WNT7B: variants seen among roughly 807,000 people sequenced by gnomAD.
WNT7B encodes protein Wnt-7b.
Under a neutral mutation model 38.2 loss-of-function variants are expected in WNT7B, and 19 were observed. The observed-to-expected ratio is 0.50, with a 90% CI of 0.35 to 0.73. The LOEUF (loss-of-function observed/expected upper bound fraction) is 0.73. WNT7B is among the 30% of genes least tolerant of loss of function. The pLI is 0.01. For missense variants in WNT7B, 423 were observed against 507.9 expected, an observed-to-expected ratio of 0.83 and a Z score of 1.61; for synonymous variants, 243 against 209.3, an observed-to-expected ratio of 1.16 and a Z score of -1.39.
At position 45,931,098 on chromosome 22, in the gene WNT7B, C is replaced by T; in HGVS notation, c.570G>A (p.Lys190=). Residue 190 remains lysine, a splice_region_variant and synonymous_variant, in exon 3 of 4, where the codon AAG becomes AAA. Coordinates refer to ENST00000339464, the MANE Select transcript of WNT7B (RefSeq NM_058238.3). The stretch of plus-strand genomic sequence containing the variant: ...CCCACCAGCCGCACCCGCACCCTAC[C>T]TTCCTGCCGGCCTCATTGTTATGCA... ...MNLHNNEAGR[K]VLEDRMQLEC... 6.4e-7 allele frequency: 1 copy of T among 1,572,588 alleles called. No individual in the cohort carries two copies. The highest frequency in any genetic ancestry group is 8.6e-7 in the Non-Finnish European group (1 of 1,159,398).
chr22:45,943,339 G>A (rs558885513), intron 2 of WNT7B, among the ~76,000 whole-genome samples: 7 of 152,360 alleles, frequency 4.6e-5, no homozygotes, highest in East Asian at 1.9e-4. Context: ...GTCCAAACAC[G>A]CCGGCGCCCG....
chr22:45,934,436 T>C (rs1418194276), intron 2 of WNT7B, among the ~76,000 whole-genome samples: 1 of 152,078 alleles, frequency 6.6e-6, no homozygotes, highest in Non-Finnish European at 1.5e-5. Flanking sequence ...GGAGTGGGCA[T>C]GTGTCACCCG....
intron 3 of WNT7B, 103 bp from the exon 4 acceptor site, chr22:45,923,438 C>A: frequency 6.8e-7 from 1 of 1,461,944 alleles, no homozygotes; most frequent in East Asian, 2.4e-5. Context: ...CCGCTCCTCC[C>A]CTTGGGCTGT....
intron 1 of WNT7B, among the ~76,000 whole-genome samples, chr22:45,970,923 C>T (rs1250086432): frequency 1.3e-5 from 2 of 152,260 alleles, no homozygotes; most frequent in African/African-American, 4.8e-5. Context: ...CCCGCCGGGC[C>T]TGGAGCGCTC....
chr22:45,958,723 A>T (rs1474818445), intron 1 of WNT7B, among the ~76,000 whole-genome samples: 1 of 152,174 alleles, frequency 6.6e-6, no homozygotes, highest in African/African-American at 2.4e-5. Flanking sequence ...GGGGCTGGCC[A>T]GTGCCCTGTC....
chr22:45,932,493 C>G (rs1931397332), intron 2 of WNT7B, among the ~76,000 whole-genome samples: 1 of 152,156 alleles, frequency 6.6e-6, no homozygotes, highest in Admixed American at 6.5e-5. Context: ...CACCCTCTCC[C>G]TGGTGAGCCC....
chr22:45,937,855 CA>C (rs1931550172), intron 2 of WNT7B, among the ~76,000 whole-genome samples: 1 of 152,058 alleles, frequency 6.6e-6, no homozygotes, highest in Non-Finnish European at 1.5e-5. Context: ...ACTAAAAATA[CA>C]AAATTAGCCA....
chr22:45,958,885 TG>T (rs1932131734), intron 1 of WNT7B, among the ~76,000 whole-genome samples: 1 of 152,050 alleles, frequency 6.6e-6, no homozygotes, highest in Admixed American at 6.5e-5. Context: ...CTGTGTGGGG[TG>T]GGCCTTCCCT....
At chr22:45,955,452 C>T (rs1420871898) in intron 1 of WNT7B, among the ~76,000 whole-genome samples, 1 of 152,224 alleles carries the variant, frequency 6.6e-6, no homozygotes, top group African/African-American at 2.4e-5. Flanking sequence ...TGGGCACCCT[C>T]AGCAAACCCT....
intron 2 of WNT7B, among the ~76,000 whole-genome samples, chr22:45,934,662 A>AGG (rs1931466897): frequency 6.6e-6 from 1 of 152,118 alleles, no homozygotes; most frequent in Non-Finnish European, 1.5e-5. Context: ...CCCTTGGAGG[A>AGG]CACTTCCCAC....
intron 1 of WNT7B, among the ~76,000 whole-genome samples, chr22:45,963,849 G>A (rs139608014): frequency 6.2e-4 from 95 of 152,256 alleles, no homozygotes; most frequent in African/African-American, 1.9e-3. Context: ...GGGGACTCCC[G>A]CAACAGAGGG....
intron 1 of WNT7B, among the ~76,000 whole-genome samples, chr22:45,953,045 G>A (rs10448602): frequency 0.5 from 75,201 of 151,726 alleles, 19,547 homozygotes; most frequent in African/African-American, 0.65. Context: ...TCAAGCTCCT[G>A]ATTCCCTGGC....
intron 2 of WNT7B, among the ~76,000 whole-genome samples, chr22:45,940,605 A>C (rs1931621500): frequency 6.6e-6 from 1 of 152,230 alleles, no homozygotes; most frequent in Non-Finnish European, 1.5e-5. Context: ...GCCCAAGGTC[A>C]AGTGCAAGGC....
At chr22:45,950,484 G>A (rs1569119669) in intron 1 of WNT7B, among the ~76,000 whole-genome samples, 3 of 152,252 alleles carry the variant, frequency 2.0e-5, no homozygotes, top group Admixed American at 6.5e-5. Flanking sequence ...ACAGCATCAT[G>A]CTTGGGATGT....
At chr22:45,929,965 T>TACCCACCC (rs1233907677) in intron 3 of WNT7B, among the ~76,000 whole-genome samples, 2 of 148,480 alleles carry the variant, frequency 1.3e-5, no homozygotes, top group African/African-American at 5.1e-5. Flanking sequence ...CTCATACATC[T>TACCCACCC]ATCCATCCAT....
In WNT7B at chr22:45,922,794, G is replaced by A; in HGVS notation, c.*62C>T. On this transcript the variant is annotated 3_prime_UTR_variant, in exon 4 of 4. Coordinates refer to ENST00000339464, the MANE Select transcript of WNT7B (RefSeq NM_058238.3). ...GGCAGCACCAAGGCAGGGAAGGTGA[G>A]GAGTGGATGTGCAAAATGCCGCCGG... 1.3e-6 allele frequency: 2 copies of A among 1,549,848 alleles called. No individual in the cohort carries two copies. Among genetic ancestry groups the A allele is most frequent in the Non-Finnish European group, 1.7e-6 (2 of 1,145,822 alleles).
intron 2 of WNT7B, among the ~76,000 whole-genome samples, chr22:45,948,827 C>CT (rs749735538): frequency 0.027 from 2,460 of 90,100 alleles, 93 homozygotes; most frequent in Non-Finnish European, 0.04. Context: ...CCAAAGATCC[C>CT]TTTTTTTTTT....
At chr22:45,931,036 G>A (rs548907859) in intron 3 of WNT7B, 62 bp downstream of exon 3, 2 of 1,496,134 alleles carry the variant, frequency 1.3e-6, no homozygotes. Context: ...GAGGCTCCGA[G>A]AGGTCAGCGG....
chr22:45,958,783 G>A (rs975418902), intron 1 of WNT7B, among the ~76,000 whole-genome samples: 2 of 152,166 alleles, frequency 1.3e-5, no homozygotes, highest in Admixed American at 6.5e-5. Flanking sequence ...CGAAGACAGC[G>A]GGGGCAGGAT....
Sources: allele counts gnomAD v4.1 joint callset (sites outside exome capture counted in the v4.1 genomes callset), GRCh38; gene constraint gnomAD v4.1.1; transcripts MANE v1.5; gene names NCBI Gene and HGNC (gene_info 2026-07-23, HGNC 2026-07-21).